Variants in PTPRD observed in about 807,000 individuals in gnomAD.
The protein encoded by PTPRD is receptor-type tyrosine-protein phosphatase delta.
PTPRD carries 34 observed loss-of-function variants against 214.5 expected under a neutral mutation model. The observed-to-expected ratio is 0.16, with a 90% CI of 0.12 to 0.21. The LOEUF (loss-of-function observed/expected upper bound fraction) is 0.21. Ranked by LOEUF, PTPRD falls within the 10% of genes least tolerant of loss-of-function variation. The pLI, the probability that PTPRD is intolerant of heterozygous loss-of-function variation, is 1.00. For missense variants in PTPRD, 2,545 were observed against 2,398.7 expected (o/e 1.06, Z -1.27); for synonymous variants, 1,128 against 845.7 (o/e 1.33, Z -5.79).
chr9:9,692,746 C>T (rs1413342212), intron 7 of PTPRD, among the ~76,000 whole-genome samples: 1 of 151,698 alleles, frequency 6.6e-6, no homozygotes, highest in African/African-American at 2.4e-5. Context: ...AATACTGATT[C>T]TTCCAATCCA....
intron 2 of PTPRD, among the ~76,000 whole-genome samples, chr9:10,563,015 A>C (rs73642014): frequency 0.038 from 5,838 of 152,290 alleles, 148 homozygotes; most frequent in East Asian, 0.098. Flanking sequence ...AGGCCTAATA[A>C]GGAAGTGAGG....
chr9:9,190,813 C>T (rs1308445737), intron 9 of PTPRD, among the ~76,000 whole-genome samples: 2 of 152,052 alleles, frequency 1.3e-5, no homozygotes, highest in Admixed American at 1.3e-4. Flanking sequence ...TATTCTAAGT[C>T]ACAAAGATTT....
In PTPRD at chr9:10,344,730, T is replaced by C. The variant is rs117884665; in HGVS notation, c.-599-3713A>G. On this transcript the variant is annotated intron_variant, in intron 2 of 45. Coordinates refer to ENST00000381196, the MANE Select transcript of PTPRD (RefSeq NM_002839.4). ...ATTGAGCAGTGGTTTGTAGTTCTCA[T>C]TGGTCCTTCACATCCCTGGTAAGTT... is the stretch of plus-strand genomic sequence containing the variant. Among the ~76,000 whole-genome samples the C allele has an allele frequency of 2.3e-3, 347 of 152,242 alleles. 2 individuals carry two copies. The highest frequency in any genetic ancestry group is 4.0e-3 in the Non-Finnish European group (271 of 68,006).
chr9:9,469,057 A>C (rs2094416939), intron 8 of PTPRD, among the ~76,000 whole-genome samples: 1 of 152,176 alleles, frequency 6.6e-6, no homozygotes, highest in Admixed American at 6.5e-5. Context: ...GTCATAAAGC[A>C]CTTGAAATGT....
intron 2 of PTPRD, among the ~76,000 whole-genome samples, chr9:10,525,805 T>C (rs1453450942): frequency 6.6e-6 from 1 of 151,204 alleles, no homozygotes; most frequent in Non-Finnish European, 1.5e-5. Context: ...TGCCATTGAG[T>C]CATCACAGGG....
intron 7 of PTPRD, among the ~76,000 whole-genome samples, chr9:9,725,894 T>C (rs1596118343): frequency 6.6e-6 from 1 of 152,156 alleles, no homozygotes; most frequent in Non-Finnish European, 1.5e-5. Flanking sequence ...TCATTCTCTC[T>C]CTGTCTTTCC....
intron 10 of PTPRD, among the ~76,000 whole-genome samples, chr9:9,178,357 C>G (rs1034272597): frequency 2.6e-5 from 4 of 151,464 alleles, no homozygotes; most frequent in Non-Finnish European, 4.4e-5. Context: ...TTTTTCCTCA[C>G]TTCCTCCTTC....
chr9:9,713,260 T>C (rs1240279230), intron 7 of PTPRD, among the ~76,000 whole-genome samples: 4 of 152,150 alleles, frequency 2.6e-5, no homozygotes, highest in East Asian at 1.9e-4. Flanking sequence ...AAATTCTCCT[T>C]CTATATTGTT....
At chr9:9,896,739 A>G (rs1184897437) in intron 5 of PTPRD, among the ~76,000 whole-genome samples, 1 of 152,100 alleles carries the variant, frequency 6.6e-6, no homozygotes, top group Non-Finnish European at 1.5e-5. Flanking sequence ...TTTGGGCATC[A>G]ATTGAAATAT....
At chr9:10,097,970 T>C (rs1489078329) in intron 3 of PTPRD, among the ~76,000 whole-genome samples, 3 of 151,872 alleles carry the variant, frequency 2.0e-5, no homozygotes, top group African/African-American at 7.2e-5. Context: ...AAATACCATT[T>C]GACCCAGCCA....
intron 14 of PTPRD, among the ~76,000 whole-genome samples, chr9:8,576,038 G>T (rs75514674): frequency 1.3e-5 from 2 of 152,150 alleles, no homozygotes; most frequent in Non-Finnish European, 2.9e-5. Context: ...TGTTGTAATG[G>T]ATGATACTTA....
intron 3 of PTPRD, among the ~76,000 whole-genome samples, chr9:10,266,518 A>T (rs1252275945): frequency 6.6e-6 from 1 of 152,212 alleles, no homozygotes; most frequent in Non-Finnish European, 1.5e-5. Context: ...TTTATGCAGA[A>T]TATATCTTGA....
intron 5 of PTPRD, among the ~76,000 whole-genome samples, chr9:9,913,200 A>C (rs943652801): frequency 1.3e-5 from 2 of 152,212 alleles, no homozygotes; most frequent in East Asian, 3.8e-4. Flanking sequence ...TATGTTATGC[A>C]TAGTATTTCA....
chr9:9,397,760 T>C (rs528072861), intron 8 of PTPRD, among the ~76,000 whole-genome samples: 4 of 152,132 alleles, frequency 2.6e-5, no homozygotes, highest in Admixed American at 6.6e-5. Flanking sequence ...TCTTCTGATA[T>C]ATATGTTTAA....
intron 9 of PTPRD, among the ~76,000 whole-genome samples, chr9:9,331,392 G>A (rs564597577): frequency 6.6e-6 from 1 of 152,036 alleles, no homozygotes; most frequent in African/African-American, 2.4e-5. Context: ...ATTCATAGGT[G>A]GTAGATCACT....
chr9:9,521,974 G>A (rs1450378972), intron 8 of PTPRD, among the ~76,000 whole-genome samples: 1 of 151,870 alleles, frequency 6.6e-6, no homozygotes, highest in Non-Finnish European at 1.5e-5. Context: ...CCTGACCAAC[G>A]TGGAGAAACC....
chr9:9,888,327 T>A (rs940855534), intron 5 of PTPRD, among the ~76,000 whole-genome samples: 1 of 152,192 alleles, frequency 6.6e-6, no homozygotes, highest in Admixed American at 6.6e-5. Flanking sequence ...ACTTTGGACA[T>A]TGCCTTGTGA....
At chr9:9,944,959 C>G (rs759928704) in intron 4 of PTPRD, among the ~76,000 whole-genome samples, 8 of 151,470 alleles carry the variant, frequency 5.3e-5, no homozygotes, top group Non-Finnish European at 1.0e-4. Flanking sequence ...CTGTAAAAGT[C>G]TAGAAAAGAG....
In PTPRD at chr9:9,494,022, G is replaced by A. The variant is rs543216624; in HGVS notation, c.-237+80710C>T. Among the ~76,000 whole-genome samples the A allele has an allele frequency of 7.9e-5, 12 of 152,196 alleles. No individual in the cohort carries two copies. The East Asian group carries it at 2.3e-3, about 29-fold the overall frequency. On this transcript the variant is annotated intron_variant, in intron 8 of 45. Coordinates refer to ENST00000381196, the MANE Select transcript of PTPRD (RefSeq NM_002839.4). ...GAAGATTATTCCAATCCTCATGAAT[G>A]GCTATGAGGGGATGAAGACTTCAGT...
Sources: gnomAD v4.1 joint callset for allele counts (sites outside exome capture counted in the v4.1 genomes callset) on GRCh38, gnomAD v4.1.1 for gene constraint, MANE v1.5 for transcripts, NCBI Gene and HGNC (gene_info 2026-07-23, HGNC 2026-07-21) for gene names.